SCAMP1: variants seen among roughly 807,000 people sequenced by gnomAD.
The protein encoded by SCAMP1 is secretory carrier-associated membrane protein 1.
A neutral mutation model predicts 41.8 loss-of-function variants in SCAMP1; 15 were observed. The observed-to-expected ratio is 0.36, with a 90% CI of 0.24 to 0.55. The LOEUF is 0.55. Among genes scored for constraint, SCAMP1 ranks in the 20% least tolerant of loss-of-function variants. SCAMP1 has a pLI of 0.86. For missense variants in SCAMP1, 341 were observed against 412.6 expected (o/e 0.83, Z 1.50); for synonymous variants, 135 against 136.8 (o/e 0.99, Z 0.09).
chr5:78,442,551 G>A (rs1029003257), intron 6 of SCAMP1, among the ~76,000 whole-genome samples: 8 of 152,124 alleles, frequency 5.3e-5, no homozygotes, highest in Non-Finnish European at 7.4e-5. Context: ...GAGCCACCGC[G>A]CCCGGCTGAG....
chr5:78,437,150 A>G (rs146483914), intron 6 of SCAMP1, among the ~76,000 whole-genome samples: 11 of 152,290 alleles, frequency 7.2e-5, no homozygotes, highest in South Asian at 2.1e-4. Flanking sequence ...TAAATATACA[A>G]TCATGTCATC....
At chr5:78,458,290 G>T (rs1417805596) in intron 7 of SCAMP1, among the ~76,000 whole-genome samples, 4 of 152,134 alleles carry the variant, frequency 2.6e-5, no homozygotes, top group African/African-American at 9.7e-5. Context: ...CAACAATTAT[G>T]AGCAATTTAG....
chr5:78,479,436 TCA>T lies in SCAMP1; in HGVS notation c.*3771_*3772del, dbSNP rs1375365599. Among the ~76,000 whole-genome samples the T allele has an allele frequency of 2.0e-5, 3 of 152,212 alleles. No individual in the cohort carries two copies. Among genetic ancestry groups the T allele is most frequent in the Non-Finnish European group, 2.9e-5 (2 of 68,030 alleles). On this transcript the variant is annotated 3_prime_UTR_variant, in exon 9 of 9. Transcript: ENST00000621999. ...TTTTATTGAGCTAAAAAGTTTTATCTCACATATTAAGTATTACAGAAAGTGAA... is the reference window on the plus strand; with the variant it reads ...TTTTATTGAGCTAAAAAGTTTTATCTCATATTAAGTATTACAGAAAGTGAA...
At chr5:78,449,410 A>AT (rs994811861) in intron 6 of SCAMP1, among the ~76,000 whole-genome samples, 2 of 152,176 alleles carry the variant, frequency 1.3e-5, no homozygotes, top group African/African-American at 4.8e-5. Context: ...ACTACATAAT[A>AT]TATGATCCCA....
rs532958563 is a variant in SCAMP1 at position 78,437,338 on chromosome 5, T to C, written c.633-12595T>C. Among the ~76,000 whole-genome samples, 165 of 152,358 alleles carry C rather than the reference T, an allele frequency of 1.1e-3. 1 individual carries two copies. Among genetic ancestry groups the C allele is most frequent in the African/African-American group, 3.8e-3 (160 of 41,580 alleles). On this transcript the variant is annotated intron_variant, in intron 6 of 8. Coordinates refer to ENST00000621999, the MANE Select transcript of SCAMP1 (RefSeq NM_004866.6). ...AGTTTTTGTCCATTCAGTATGATAT[T>C]GGCTGTGGGTTTGTCATAAATAGCT...
intron 6 of SCAMP1, among the ~76,000 whole-genome samples, chr5:78,426,594 G>T (rs1752476401): frequency 6.6e-6 from 1 of 152,122 alleles, no homozygotes; most frequent in African/African-American, 2.4e-5. Context: ...AAAAGTGTCT[G>T]TTCATATCTT....
At chr5:78,426,715 A>G (rs1752479446) in intron 6 of SCAMP1, among the ~76,000 whole-genome samples, 1 of 152,232 alleles carries the variant, frequency 6.6e-6, no homozygotes, top group Non-Finnish European at 1.5e-5. Context: ...TCATTTGCAC[A>G]CAATTCTCAT....
At chr5:78,451,218 T>C (rs1473401796) in intron 7 of SCAMP1, among the ~76,000 whole-genome samples, 1 of 152,218 alleles carries the variant, frequency 6.6e-6, no homozygotes, top group Non-Finnish European at 1.5e-5. Flanking sequence ...TGTTTTAAGA[T>C]AGACCCTCAT....
At chr5:78,439,624 C>G (rs769313316) in intron 6 of SCAMP1, among the ~76,000 whole-genome samples, 52 of 152,162 alleles carry the variant, frequency 3.4e-4, no homozygotes, top group Non-Finnish European at 4.4e-4. Flanking sequence ...GTAACCTGAC[C>G]TTTCTCTCTG....
Position 78,360,736 on chromosome 5 carries a change from T to G in SCAMP1, c.57+8T>G. 1.2e-6 allele frequency: 2 copies of G among 1,604,850 alleles called. No homozygotes were observed. Among genetic ancestry groups the G allele is most frequent in the Non-Finnish European group, 1.7e-6 (2 of 1,176,106 alleles). On this transcript the variant is annotated splice_region_variant and intron_variant, in intron 1 of 8. Transcript: ENST00000621999. ...CTCAACAATCCCTTCAAGGTGAGCT[T>G]CGGCCCCAGCATCTCCTGCCGCCGC...
intron 2 of SCAMP1, 73 bp from the exon 3 acceptor site, chr5:78,415,447 G>A (rs1321183152): frequency 1.2e-6 from 1 of 864,304 alleles, no homozygotes; most frequent in African/African-American, 1.7e-5. Flanking sequence ...CATTTTATTG[G>A]TGTTATACTT....
At chr5:78,365,485 A>G (rs1750772493) in intron 1 of SCAMP1, among the ~76,000 whole-genome samples, 1 of 151,586 alleles carries the variant, frequency 6.6e-6, no homozygotes, top group Admixed American at 6.6e-5. Context: ...AAAAAAAAAA[A>G]AAAAAAAAAA....
intron 2 of SCAMP1, among the ~76,000 whole-genome samples, chr5:78,400,773 A>T (rs934249778): frequency 6.6e-6 from 1 of 152,132 alleles, no homozygotes; most frequent in Non-Finnish European, 1.5e-5. Flanking sequence ...TTCCATGTTG[A>T]TGATCTTGTT....
At chr5:78,442,506 C>T (rs1388473519) in intron 6 of SCAMP1, among the ~76,000 whole-genome samples, 1 of 152,080 alleles carries the variant, frequency 6.6e-6, no homozygotes, top group African/African-American at 2.4e-5. Flanking sequence ...TGATCTGCCT[C>T]CCTCTGCCTC....
chr5:78,452,173 T>A (rs1753250996), intron 7 of SCAMP1, among the ~76,000 whole-genome samples: 1 of 151,394 alleles, frequency 6.6e-6, no homozygotes, highest in South Asian at 2.1e-4. Context: ...GTTGCACATT[T>A]AGTTTTCTTT....
At chr5:78,381,477 C>T (rs1237707656) in intron 1 of SCAMP1, among the ~76,000 whole-genome samples, 1 of 152,202 alleles carries the variant, frequency 6.6e-6, no homozygotes, top group Non-Finnish European at 1.5e-5. Flanking sequence ...TGATCCTAAA[C>T]TCACTTCTAA....
intron 5 of SCAMP1, among the ~76,000 whole-genome samples, chr5:78,421,264 C>G (rs940537816): frequency 6.6e-6 from 1 of 152,088 alleles, no homozygotes; most frequent in African/African-American, 2.4e-5. Flanking sequence ...TCTACCAAAA[C>G]GCAAGTTTTT....
chr5:78,466,890 G>A (rs1390742996), intron 8 of SCAMP1, among the ~76,000 whole-genome samples: 1 of 152,166 alleles, frequency 6.6e-6, no homozygotes, highest in Admixed American at 6.6e-5. Flanking sequence ...TGAAGAAAAT[G>A]TAGTCAAGAG....
chr5:78,378,362 C>G (rs1279473130), intron 1 of SCAMP1, among the ~76,000 whole-genome samples: 1 of 152,154 alleles, frequency 6.6e-6, no homozygotes, highest in Non-Finnish European at 1.5e-5. Context: ...AGTCAATCTC[C>G]TTATTTCCAG....
Sources: allele counts gnomAD v4.1 joint callset (sites outside exome capture counted in the v4.1 genomes callset), GRCh38; gene constraint gnomAD v4.1.1; transcripts MANE v1.5; gene names NCBI Gene and HGNC (gene_info 2026-07-23, HGNC 2026-07-21).